The following GABRB3 variants were observed in gnomAD, a reference collection of about 807,000 sequenced individuals.
The protein encoded by GABRB3 is gamma-aminobutyric acid type A receptor subunit beta3, also known as gamma-aminobutyric acid receptor subunit beta-3.
GABRB3 carries 14 observed loss-of-function variants against 52.1 expected under a neutral mutation model. The observed-to-expected ratio is 0.27, with a 90% CI of 0.18 to 0.42. The LOEUF (loss-of-function observed/expected upper bound fraction) is 0.42, where lower values mean the gene tolerates loss of function less well. Ranked by LOEUF, GABRB3 falls within the 10% of genes least tolerant of loss-of-function variation. The pLI is 1.00. For synonymous variants in GABRB3, 260 were observed against 232.3 expected (o/e 1.12, Z -1.08); for missense variants, 307 against 609.1 (o/e 0.50, Z 5.22).
chr15:26,624,439 T>G lies in GABRB3; in HGVS notation c.241-2905A>C, dbSNP rs1322292429. On this transcript the variant is annotated intron_variant, in intron 3 of 8. Transcript: ENST00000311550. Reference sequence around the variant, plus strand: ...CTTCTCAGAGTCCCTCCGGATGGGCTCGCACATGGCTTGCCACAAGAAGGG... The same window carrying G: ...CTTCTCAGAGTCCCTCCGGATGGGCGCGCACATGGCTTGCCACAAGAAGGG... 4 of 985,374 alleles carry G rather than the reference T, an allele frequency of 4.1e-6. No individual in the cohort carries two copies. In the African/African-American group the frequency reaches 7.0e-5, roughly 17 times the overall value. The allele number at this position is 985,374 out of a possible 1,614,324, so 61.0% of individuals were successfully genotyped here.
At chr15:26,740,748 T>C (rs754512425) in intron 3 of GABRB3, among the ~76,000 whole-genome samples, 1 of 152,182 alleles carries the variant, frequency 6.6e-6, no homozygotes, top group Non-Finnish European at 1.5e-5. Flanking sequence ...TCTAACGTGA[T>C]GGTCAGTTTT....
At chr15:26,682,536 T>C (rs1002327863) in intron 3 of GABRB3, among the ~76,000 whole-genome samples, 4 of 152,162 alleles carry the variant, frequency 2.6e-5, no homozygotes, top group African/African-American at 9.7e-5. Flanking sequence ...ATCAACACAA[T>C]GTTATAGAAA....
chr15:26,761,559 G>A (rs907223712), intron 3 of GABRB3, among the ~76,000 whole-genome samples: 6 of 151,634 alleles, frequency 4.0e-5, no homozygotes, highest in African/African-American at 1.2e-4. Context: ...TATTCTCATT[G>A]TATATAATAT....
chr15:26,600,661 AG>A (rs1891555263), intron 4 of GABRB3, among the ~76,000 whole-genome samples: 2 of 152,210 alleles, frequency 1.3e-5, no homozygotes. Context: ...AAGAAATAAA[AG>A]CTTTCCCAGA....
chr15:26,700,738 A>C (rs1888901287), intron 3 of GABRB3, among the ~76,000 whole-genome samples: 2 of 152,256 alleles, frequency 1.3e-5, no homozygotes, highest in African/African-American at 4.8e-5. Context: ...ACATTTGACG[A>C]AAGTCAGCAT....
At chr15:26,619,848 A>G (rs9806414) in intron 4 of GABRB3, among the ~76,000 whole-genome samples, 1 of 151,762 alleles carries the variant, frequency 6.6e-6, no homozygotes, top group African/African-American at 2.4e-5. Flanking sequence ...ACATTACCAC[A>G]CAAAACACAC....
At chr15:26,677,748 A>T (rs971609049) in intron 3 of GABRB3, among the ~76,000 whole-genome samples, 2 of 152,246 alleles carry the variant, frequency 1.3e-5, no homozygotes, top group Admixed American at 6.5e-5. Flanking sequence ...CTTTGAAGTT[A>T]ACTCATGAAA....
chr15:26,620,156 T>A (rs1892426509), intron 4 of GABRB3, among the ~76,000 whole-genome samples: 1 of 152,138 alleles, frequency 6.6e-6, no homozygotes, highest in Non-Finnish European at 1.5e-5. Context: ...AAACATAAAA[T>A]GCTGAAAACT....
chr15:26,556,468 A>G (rs147116942), intron 8 of GABRB3, among the ~76,000 whole-genome samples: 15 of 152,254 alleles, frequency 9.9e-5, no homozygotes, highest in Non-Finnish European at 1.9e-4. Context: ...AAGAATTATG[A>G]CTCTCTACCA....
At chr15:26,630,081 C>T (rs1452948361) in intron 3 of GABRB3, among the ~76,000 whole-genome samples, 1 of 152,138 alleles carries the variant, frequency 6.6e-6, no homozygotes, top group East Asian at 1.9e-4. Context: ...CAAACCCTCA[C>T]CAGGGAAGGC....
intron 8 of GABRB3, chr15:26,550,216 A>G (rs1448005326): frequency 6.6e-6 from 1 of 152,194 alleles, no homozygotes; most frequent in Non-Finnish European, 1.5e-5. Flanking sequence ...GACTTGAGTC[A>G]CCCTTGATGG....
intron 3 of GABRB3, among the ~76,000 whole-genome samples, chr15:26,670,288 G>A (rs1336219583): frequency 6.6e-6 from 1 of 152,196 alleles, no homozygotes; most frequent in Non-Finnish European, 1.5e-5. Flanking sequence ...AGGGTAGGCG[G>A]GAAGAGGGGC....
At chr15:26,594,712 T>C (rs1891334263) in intron 4 of GABRB3, among the ~76,000 whole-genome samples, 1 of 152,168 alleles carries the variant, frequency 6.6e-6, no homozygotes, top group Non-Finnish European at 1.5e-5. Context: ...GATGGGGTCT[T>C]GTTACATTGC....
chr15:26,548,145 G>A lies in GABRB3; in HGVS notation c.1081-11C>T, dbSNP rs370945916. ...TCCATGAGCATCCACCTAATTGGAC[G>A]GAAAATGCACATGGTTAGACAGCCA... On this transcript the variant is annotated splice_polypyrimidine_tract_variant and intron_variant, in intron 8 of 8. Coordinates refer to ENST00000311550, the MANE Select transcript of GABRB3 (RefSeq NM_000814.6). 75 of 1,606,530 alleles carry A rather than the reference G, an allele frequency of 4.7e-5. 2 individuals are homozygous for A. Among genetic ancestry groups the A allele is most frequent in the Admixed American group, 1.7e-4 (10 of 60,016 alleles).
intron 8 of GABRB3, among the ~76,000 whole-genome samples, chr15:26,552,441 T>C (rs1190738361): frequency 2.0e-5 from 3 of 152,336 alleles, no homozygotes; most frequent in Middle Eastern, 6.8e-3. Context: ...GAGTTTCTCA[T>C]TGTACCAAGA....
chr15:26,574,315 G>T (rs955577863), intron 6 of GABRB3, among the ~76,000 whole-genome samples: 9 of 152,094 alleles, frequency 5.9e-5, no homozygotes, highest in African/African-American at 2.2e-4. Context: ...CTTCCCGTAG[G>T]AATATTATCA....
At chr15:26,635,194 T>A (rs1893025455) in intron 3 of GABRB3, among the ~76,000 whole-genome samples, 1 of 142,300 alleles carries the variant, frequency 7.0e-6, no homozygotes, top group African/African-American at 2.5e-5. Context: ...GTGAAAAACA[T>A]CCATATTGCT....
intron 1 of GABRB3, 35 bp from the exon 2 acceptor site, chr15:26,772,807 CA>C (rs1891191015): frequency 2.6e-6 from 4 of 1,511,308 alleles, no homozygotes; most frequent in Non-Finnish European, 3.5e-6. Context: ...AGAGCGGGGT[CA>C]GGGGCGGCTC....
rs1453783333 is a variant in GABRB3 at position 26,619,860 on chromosome 15, CCACA to C, written c.461+1450_461+1453del. ...CACACATTACCACACAAAACACACA[CCACA>C]CACACATCCACAATGCACACCAACA... On this transcript the variant is annotated intron_variant, in intron 4 of 8. Coordinates refer to ENST00000311550, the MANE Select transcript of GABRB3 (RefSeq NM_000814.6). Among the ~76,000 whole-genome samples, 9 of 151,524 alleles carry C rather than the reference CCACA, an allele frequency of 5.9e-5. No individual in the cohort carries two copies. In the East Asian group the frequency reaches 1.7e-3, roughly 29 times the overall value.
Sources: gnomAD v4.1 joint callset for allele counts (sites outside exome capture counted in the v4.1 genomes callset) on GRCh38, gnomAD v4.1.1 for gene constraint, MANE v1.5 for transcripts, NCBI Gene and HGNC (gene_info 2026-07-23, HGNC 2026-07-21) for gene names.